The following UGT1A8 variants were observed in gnomAD, a reference collection of about 807,000 sequenced individuals.
UGT1A8 encodes the protein UDP-glucuronosyltransferase 1A8.
Under a neutral mutation model 45.3 loss-of-function variants are expected in UGT1A8, and 39 were observed. That is an observed-to-expected ratio of 0.86 (90% CI 0.67 to 1.12). UGT1A8 has a LOEUF of 1.12. Among genes scored for constraint, UGT1A8 ranks in the 50% most tolerant of loss-of-function variants. The pLI is 0.00. For missense variants in UGT1A8, 719 were observed against 664.9 expected (o/e 1.08, Z -0.90); for synonymous variants, 275 against 249.2 (o/e 1.10, Z -0.97).
chr2:233,686,769 A>C (rs1014972811), intron 1 of UGT1A8, among the ~76,000 whole-genome samples: 3 of 152,078 alleles, frequency 2.0e-5, no homozygotes, highest in Non-Finnish European at 4.4e-5. Context: ...TATTTTATGC[A>C]ACACTCCAAC....
chr2:233,693,305 G>A (rs1257191754), intron 1 of UGT1A8: 2 of 1,614,074 alleles, frequency 1.2e-6, no homozygotes, highest in African/African-American at 1.3e-5. Flanking sequence ...TCACTTTGCT[G>A]AGCGATCATT....
chr2:233,747,327 C>T (rs1052520696), intron 1 of UGT1A8: 43 of 1,603,124 alleles, frequency 2.7e-5, no homozygotes, highest in Non-Finnish European at 3.7e-5. Flanking sequence ...CCATTGATGG[C>T]AGCCACTGGC....
At chr2:233,618,966 A>G (rs1426590452) in intron 1 of UGT1A8, among the ~76,000 whole-genome samples, 2 of 152,172 alleles carry the variant, frequency 1.3e-5, no homozygotes, top group Non-Finnish European at 1.5e-5. Flanking sequence ...TAAAAATTAT[A>G]GATCATATTT....
At chr2:233,637,109 G>A in intron 1 of UGT1A8, 2 of 1,613,904 alleles carry the variant, frequency 1.2e-6, no homozygotes, top group Non-Finnish European at 1.7e-6. Context: ...GATCTCTTAG[G>A]GTTCTCAGAT....
At chr2:233,755,969 A>T (rs2125939557) in intron 1 of UGT1A8, 1 of 152,304 alleles carries the variant, frequency 6.6e-6, no homozygotes, top group African/African-American at 2.4e-5. Context: ...GGCTCTATAG[A>T]GAGGTGGATT....
chr2:233,631,518 A>G (rs1307819215), intron 1 of UGT1A8, among the ~76,000 whole-genome samples: 1 of 152,114 alleles, frequency 6.6e-6, no homozygotes, highest in South Asian at 2.1e-4. Context: ...CTGAGTTTTA[A>G]TGATTGCCAT....
At chr2:233,642,315 C>T (rs2073473534) in intron 1 of UGT1A8, among the ~76,000 whole-genome samples, 1 of 152,180 alleles carries the variant, frequency 6.6e-6, no homozygotes, top group South Asian at 2.1e-4. Context: ...ATGCATTCTT[C>T]ATTATGCCGA....
chr2:233,672,938 C>A (rs1039914779), intron 1 of UGT1A8: 6 of 1,418,726 alleles, frequency 4.2e-6, no homozygotes, highest in Non-Finnish European at 5.6e-6. Flanking sequence ...AATGCGTGTA[C>A]TCGTCAGTAG....
intron 1 of UGT1A8, among the ~76,000 whole-genome samples, chr2:233,700,668 A>G (rs1354442892): frequency 6.6e-6 from 1 of 152,146 alleles, no homozygotes; most frequent in East Asian, 1.9e-4. Context: ...ACTTTTCAGC[A>G]CAAATTCGTG....
At chr2:233,657,436 A>G (rs1030929975) in intron 1 of UGT1A8, among the ~76,000 whole-genome samples, 5 of 152,196 alleles carry the variant, frequency 3.3e-5, no homozygotes, top group African/African-American at 9.6e-5. Flanking sequence ...GCTGATCACA[A>G]GGTGAGAAAG....
rs1228937957 is a variant in UGT1A8 at position 233,725,058 on chromosome 2, G to C, written c.856-41976G>C. Reference sequence around the variant, plus strand: ...CAAAACCAGTCAGGCGTGGCGGCGCGCGCCTGCAATCGCAGGCACTCGGCA... The same window carrying C: ...CAAAACCAGTCAGGCGTGGCGGCGCCCGCCTGCAATCGCAGGCACTCGGCA... On this transcript the variant is annotated intron_variant, in intron 1 of 4. Coordinates refer to ENST00000373450, the MANE Select transcript of UGT1A8 (RefSeq NM_019076.5). Among the ~76,000 whole-genome samples the C allele has an allele frequency of 2.0e-5, 3 of 147,402 alleles. 1 individual carries two copies. The highest frequency in any genetic ancestry group is 5.1e-5 in the African/African-American group (2 of 39,480).
At chr2:233,767,568 T>C (rs1394271023) in intron 2 of UGT1A8, among the ~76,000 whole-genome samples, 2 of 152,252 alleles carry the variant, frequency 1.3e-5, no homozygotes, top group African/African-American at 4.8e-5. Flanking sequence ...CTTGTTTCAT[T>C]AAGCAAACTT....
At chr2:233,750,199 CA>C (rs1448966489) in intron 1 of UGT1A8, among the ~76,000 whole-genome samples, 1 of 151,826 alleles carries the variant, frequency 6.6e-6, no homozygotes, top group Non-Finnish European at 1.5e-5. Flanking sequence ...CAATGAAGTC[CA>C]GGCTGAGTCT....
At chr2:233,701,918 C>A (rs936190696) in intron 1 of UGT1A8, among the ~76,000 whole-genome samples, 1 of 152,056 alleles carries the variant, frequency 6.6e-6, no homozygotes, top group Non-Finnish European at 1.5e-5. Flanking sequence ...GACACCCTAA[C>A]ATCACAATTA....
At chr2:233,714,144 C>G (rs1160387494) in intron 1 of UGT1A8, among the ~76,000 whole-genome samples, 1 of 152,184 alleles carries the variant, frequency 6.6e-6, no homozygotes, top group Admixed American at 6.5e-5. Flanking sequence ...AAAGCACCAT[C>G]TTCATGGCTG....
chr2:233,743,464 C>T lies in UGT1A8; in HGVS notation c.856-23570C>T, dbSNP rs542057655. 5.5e-4 allele frequency: 753 copies of T among 1,366,482 alleles called. 6 individuals carry two copies. In the Admixed American group the frequency reaches 0.012, roughly 23 times the overall value. The allele number at this position is 1,366,482 out of a possible 1,614,324, so 84.6% of individuals were successfully genotyped here. On this transcript the variant is annotated intron_variant, in intron 1 of 4. Coordinates refer to ENST00000373450, the MANE Select transcript of UGT1A8 (RefSeq NM_019076.5). Reference sequence around the variant, plus strand: ...TGTATCAAAAGAAGAAAAAACACCCCCAAAAGCTGGAAATTCACTGAAGGC... The same window carrying T: ...TGTATCAAAAGAAGAAAAAACACCCTCAAAAGCTGGAAATTCACTGAAGGC...
At chr2:233,698,327 T>TA in intron 1 of UGT1A8, among the ~76,000 whole-genome samples, 1 of 152,314 alleles carries the variant, frequency 6.6e-6, no homozygotes, top group South Asian at 2.1e-4. Flanking sequence ...TGGAACCAGA[T>TA]AGAGGTGTCA....
At chr2:233,635,541 C>T (rs539863241) in intron 1 of UGT1A8, among the ~76,000 whole-genome samples, 1 of 150,770 alleles carries the variant, frequency 6.6e-6, no homozygotes, top group South Asian at 2.1e-4. Flanking sequence ...TGCCCATGAC[C>T]CAAACACCTC....
At chr2:233,693,799 GC>G in intron 1 of UGT1A8, 2 of 1,614,154 alleles carry the variant, frequency 1.2e-6, no homozygotes, top group Non-Finnish European at 1.7e-6. Context: ...AATATCCTAG[GC>G]CGGTCATGCC....
Sources: gnomAD v4.1 joint callset for allele counts (sites outside exome capture counted in the v4.1 genomes callset) on GRCh38, gnomAD v4.1.1 for gene constraint, MANE v1.5 for transcripts, NCBI Gene and HGNC (gene_info 2026-07-23, HGNC 2026-07-21) for gene names.